The following CDH4 variants were observed in gnomAD, a reference collection of about 807,000 sequenced individuals.
CDH4 encodes cadherin 4.
A neutral mutation model predicts 86.0 loss-of-function variants in CDH4; 33 were observed. The ratio of observed to expected loss-of-function variants is 0.38; its 90% CI spans 0.29 to 0.51. The LOEUF is 0.51. CDH4 is among the 20% of genes least tolerant of loss of function. The pLI is 0.86. For missense variants in CDH4, 1,114 were observed against 1,307.4 expected, an observed-to-expected ratio of 0.85 and a Z score of 2.28; for synonymous variants, 555 against 549.4, an observed-to-expected ratio of 1.01 and a Z score of -0.14.
In CDH4 at chr20:61,879,908, C is replaced by T. The variant is rs576154766; in HGVS notation, c.1050+6008C>T. On this transcript the variant is annotated intron_variant, in intron 7 of 15. Coordinates refer to ENST00000614565, the MANE Select transcript of CDH4 (RefSeq NM_001794.5). This position sits in a 1 kb window ranked among gnomAD's most constrained non-coding sequence, Gnocchi z 4.1. ...TATCACAAGAGGACTATCACCTGGTCACCTCCATCAGCTTGAAATTTCTTC... is the reference window on the plus strand; with the variant it reads ...TATCACAAGAGGACTATCACCTGGTTACCTCCATCAGCTTGAAATTTCTTC... Among the ~76,000 whole-genome samples, 1 of 152,278 alleles carries T rather than the reference C, an allele frequency of 6.6e-6. No homozygotes were observed. The highest frequency in any genetic ancestry group is 2.1e-4 in the South Asian group (1 of 4,822).
intron 2 of CDH4, among the ~76,000 whole-genome samples, chr20:61,290,445 A>G (rs920604841): frequency 2.0e-5 from 3 of 147,064 alleles, no homozygotes; most frequent in East Asian, 2.0e-4. Flanking sequence ...CCGATATCCA[A>G]TGAGACTTGC....
intron 4 of CDH4, among the ~76,000 whole-genome samples, chr20:61,827,778 T>C (rs1981391774): frequency 6.6e-6 from 1 of 152,042 alleles, no homozygotes; most frequent in Non-Finnish European, 1.5e-5. Flanking sequence ...AGCAGGCAAA[T>C]GAACACTCAG....
chr20:61,702,557 C>T (rs547689307), intron 2 of CDH4, among the ~76,000 whole-genome samples: 16 of 152,314 alleles, frequency 1.1e-4, no homozygotes, highest in African/African-American at 3.8e-4. Context: ...TCTTCTGAAG[C>T]GTATGAAAGC....
intron 13 of CDH4, among the ~76,000 whole-genome samples, chr20:61,931,930 C>G (rs923527496): frequency 1.3e-5 from 2 of 152,116 alleles, no homozygotes; most frequent in Non-Finnish European, 2.9e-5. Flanking sequence ...GGAAAGAGCC[C>G]CTCTGAGTGA....
chr20:61,869,394 G>T (rs1983697442), intron 6 of CDH4, among the ~76,000 whole-genome samples: 1 of 152,258 alleles, frequency 6.6e-6, no homozygotes, highest in Non-Finnish European at 1.5e-5. Flanking sequence ...TTGGAACAGG[G>T]AATGTGTGCC....
chr20:61,385,218 G>T (rs1278962003), intron 2 of CDH4, among the ~76,000 whole-genome samples: 1 of 152,154 alleles, frequency 6.6e-6, no homozygotes, highest in East Asian at 1.9e-4. Context: ...AGTGGCAGGA[G>T]GAGGGACTAG....
chr20:61,654,181 G>C (rs974815495), intron 2 of CDH4, among the ~76,000 whole-genome samples: 1 of 152,192 alleles, frequency 6.6e-6, no homozygotes, highest in African/African-American at 2.4e-5. Context: ...CCAGCACCTC[G>C]GGAGGCCAAG....
At chr20:61,344,980 T>C (rs2084669902) in intron 2 of CDH4, among the ~76,000 whole-genome samples, 1 of 152,224 alleles carries the variant, frequency 6.6e-6, no homozygotes, top group South Asian at 2.1e-4. Flanking sequence ...CCAACTGTGC[T>C]GTGTTCTGAG....
At chr20:61,255,967 C>T (rs774545837) in intron 2 of CDH4, among the ~76,000 whole-genome samples, 3 of 152,160 alleles carry the variant, frequency 2.0e-5, no homozygotes, top group Non-Finnish European at 2.9e-5. Context: ...TTTATCTAAA[C>T]TGTGATACTA....
chr20:61,399,635 C>T (rs2085038948), intron 2 of CDH4, among the ~76,000 whole-genome samples: 1 of 152,182 alleles, frequency 6.6e-6, no homozygotes, highest in African/African-American at 2.4e-5. Flanking sequence ...ATGGTGTGTG[C>T]CGGGCCTCGC....
intron 5 of CDH4, among the ~76,000 whole-genome samples, chr20:61,847,097 G>A (rs1463517853): frequency 2.0e-5 from 3 of 152,176 alleles, no homozygotes; most frequent in Admixed American, 6.5e-5. Flanking sequence ...TGGAAACCTG[G>A]AGCTCAGAGC....
chr20:61,340,989 T>C (rs546470658), intron 2 of CDH4, among the ~76,000 whole-genome samples: 1 of 152,286 alleles, frequency 6.6e-6, no homozygotes, highest in South Asian at 2.1e-4. Context: ...AACATCCCCA[T>C]TGGGCAGATG....
intron 2 of CDH4, among the ~76,000 whole-genome samples, chr20:61,732,677 G>A (rs1301387462): frequency 2.0e-5 from 3 of 152,242 alleles, no homozygotes; most frequent in African/African-American, 7.2e-5. Flanking sequence ...CCAGCTGCCA[G>A]CTCATCACGC....
intron 2 of CDH4, among the ~76,000 whole-genome samples, chr20:61,692,577 C>A (rs2087671466): frequency 6.6e-6 from 1 of 152,200 alleles, no homozygotes; most frequent in Non-Finnish European, 1.5e-5. Flanking sequence ...GCCACGTTTC[C>A]TAATAAGCAT....
chr20:61,441,306 G>C (rs1384664999), intron 2 of CDH4, among the ~76,000 whole-genome samples: 1 of 152,218 alleles, frequency 6.6e-6, no homozygotes, highest in East Asian at 1.9e-4. Flanking sequence ...GAGCATCCAG[G>C]TCAGCCCCTT....
At chr20:61,773,536 G>A (rs558172165) in intron 4 of CDH4, among the ~76,000 whole-genome samples, 33 of 152,252 alleles carry the variant, frequency 2.2e-4, no homozygotes, top group Admixed American at 8.5e-4. Flanking sequence ...TAAGATCCCG[G>A]ATGATGGGGT....
intron 2 of CDH4, among the ~76,000 whole-genome samples, chr20:61,361,777 A>G (rs2084784263): frequency 6.6e-6 from 1 of 152,200 alleles, no homozygotes; most frequent in African/African-American, 2.4e-5. Context: ...GTGCTCGGGC[A>G]TAGGGAGGAG....
intron 2 of CDH4, among the ~76,000 whole-genome samples, chr20:61,350,774 G>A (rs1319889520): frequency 2.0e-5 from 3 of 152,214 alleles, no homozygotes; most frequent in East Asian, 1.9e-4. Context: ...TGTTGTGAGC[G>A]GAAAATTGCC....
At chr20:61,910,682 G>A in intron 9 of CDH4, 75 bp downstream of exon 9, 1 of 1,349,900 alleles carries the variant, frequency 7.4e-7, no homozygotes, top group South Asian at 1.2e-5. Context: ...CAGTCAAACA[G>A]GAGTGATACT....
Sources: gnomAD v4.1 joint callset for allele counts (sites outside exome capture counted in the v4.1 genomes callset) on GRCh38, gnomAD v4.1.1 for gene constraint, Gnocchi (gnomAD v3.1) non-coding constraint, MANE v1.5 for transcripts, NCBI Gene and HGNC (gene_info 2026-07-23, HGNC 2026-07-21) for gene names.